The following RASL10B variants were observed in gnomAD, a reference collection of about 807,000 sequenced individuals.
RASL10B encodes the protein ras-like protein family member 10B.
In RASL10B, 10 loss-of-function variants were observed where a neutral mutation model predicts 20.7. The ratio of observed to expected loss-of-function variants is 0.48; its 90% CI spans 0.30 to 0.82. RASL10B has a LOEUF of 0.82. Among genes scored for constraint, RASL10B ranks in the 40% least tolerant of loss-of-function variants. The pLI is 0.07. For missense variants in RASL10B, 231 were observed against 295.4 expected, an observed-to-expected ratio of 0.78 and a Z score of 1.60; for synonymous variants, 110 against 123.3, an observed-to-expected ratio of 0.89 and a Z score of 0.72.
At chr17:35,739,514 A>G (rs1373131490) in intron 2 of RASL10B, among the ~76,000 whole-genome samples, 2 of 152,102 alleles carry the variant, frequency 1.3e-5, no homozygotes, top group Non-Finnish European at 2.9e-5. Context: ...CTTCACCTTG[A>G]GCTGTACCCC....
intron 2 of RASL10B, among the ~76,000 whole-genome samples, chr17:35,738,738 T>C (rs1171470199): frequency 6.6e-6 from 1 of 152,068 alleles, no homozygotes; most frequent in African/African-American, 2.4e-5. Context: ...CCTCTCTCTT[T>C]TAGGAACCCC....
At chr17:35,734,222 G>C (rs587600300) in intron 1 of RASL10B, among the ~76,000 whole-genome samples, 1 of 152,210 alleles carries the variant, frequency 6.6e-6, no homozygotes, top group East Asian at 1.9e-4. Flanking sequence ...GGAGGTGAAG[G>C]CTGCAGTGAG....
rs1555597892 is a variant in RASL10B, at chr17:35,741,194, G to A, written c.501G>A (p.Leu167=). 4.3e-6 allele frequency: 7 copies of A among 1,613,196 alleles called. No individual in the cohort carries two copies. The highest frequency in any genetic ancestry group is 5.9e-6 in the Non-Finnish European group (7 of 1,180,006). Residue 167 remains leucine (L), a synonymous_variant, in exon 4 of 4, where the codon CTG becomes CTA. Transcript: ENST00000603017. ...CGGCCAAGTACAACTGGCACATCCT[G>A]CTGCTCTTCAGCGAGCTGCTCAAGA... The part of the protein sequence containing the change: ...ECSAKYNWHI[L]LLFSELLKSV...
In RASL10B at chr17:35,731,708, C is replaced by T. The variant is rs1341084694; in HGVS notation, c.-318C>T. The T allele has an allele frequency of 6.6e-6, 1 of 152,008 alleles. No individual in the cohort carries two copies. Among genetic ancestry groups the T allele is most frequent in the Non-Finnish European group, 1.5e-5 (1 of 67,912 alleles). The allele number at this position is 152,008 out of a possible 1,614,324, so 9.4% of individuals were successfully genotyped here. On this transcript the variant is annotated 5_prime_UTR_variant, in exon 1 of 4. Coordinates refer to ENST00000603017, the MANE Select transcript of RASL10B (RefSeq NM_033315.4). ...CTGGAGGTTCCTACCCCCTCGGCGG[C>T]CCGCATCTGCCCCCGCGCGCCCGCC...
intron 1 of RASL10B, among the ~76,000 whole-genome samples, chr17:35,733,162 C>T (rs868955342): frequency 7.2e-5 from 11 of 152,168 alleles, no homozygotes; most frequent in Admixed American, 2.0e-4. Context: ...ATCTCTCTCA[C>T]GCACACTGCA....
At chr17:35,733,471 C>G (rs1355723858) in intron 1 of RASL10B, among the ~76,000 whole-genome samples, 1 of 152,236 alleles carries the variant, frequency 6.6e-6, no homozygotes, top group African/African-American at 2.4e-5. Flanking sequence ...CGCACATACC[C>G]CGTGGAGTGA....
At position 35,735,129 on chromosome 17, in the gene RASL10B, G is replaced by T; in HGVS notation, c.-56G>T. 2.6e-6 allele frequency: 4 copies of T among 1,557,330 alleles called. No individual in the cohort carries two copies. The highest frequency in any genetic ancestry group is 3.5e-6 in the Non-Finnish European group (4 of 1,145,096). On this transcript the variant is annotated 5_prime_UTR_variant, in exon 2 of 4. Coordinates refer to ENST00000603017, the MANE Select transcript of RASL10B (RefSeq NM_033315.4). The surrounding 1 kb of genome is among the most constrained non-coding windows in gnomAD (Gnocchi z 6.7). ...GAGCCCCCAGCCCCTGGAATATGCA[G>T]CCCGGGGGAGCCCCAGACAGCGGCA...
At chr17:35,736,755 T>G (rs2085595501) in intron 2 of RASL10B, 1 of 151,296 alleles carries the variant, frequency 6.6e-6, no homozygotes, top group Non-Finnish European at 1.5e-5. Context: ...TTTTTAAAAT[T>G]TATTTATTTT....
At position 35,737,373 on chromosome 17, in the gene RASL10B, C is replaced by T. The variant is rs782818925; in HGVS notation, c.216+1973C>T. Among the ~76,000 whole-genome samples, 3 of 152,190 alleles carry T rather than the reference C, an allele frequency of 2.0e-5. 1 individual carries two copies. Among genetic ancestry groups the T allele is most frequent in the South Asian group, 4.2e-4 (2 of 4,816 alleles). The stretch of plus-strand genomic sequence containing the variant: ...TTTTTCCAGGCCATTATCTAGAGGA[C>T]GTCCTCATTCTTTTTTCATGGCCAC... On this transcript the variant is annotated intron_variant, in intron 2 of 3. Transcript: ENST00000603017.
chr17:35,732,756 C>T (rs1555596535), intron 1 of RASL10B, among the ~76,000 whole-genome samples: 1 of 152,136 alleles, frequency 6.6e-6, no homozygotes. Flanking sequence ...TCTGAGCTGC[C>T]ACACCCAGAG....
rs587769520 is a variant in RASL10B at position 35,741,062 on chromosome 17, C to G, written c.369C>G (p.Ile123Met). 1.2e-6 allele frequency: 2 copies of G among 1,607,994 alleles called. No homozygotes were observed. The highest frequency in any genetic ancestry group is 4.5e-5 in the East Asian group (2 of 44,668). The change falls in exon 4 of 4, where the codon ATC becomes ATG. Residue 123 changes from isoleucine to methionine, a missense_variant. Transcript: ENST00000603017. Reference protein sequence around the residue: ...TRVIGTSETPIIIVGNKRDLQ... With the variant: ...TRVIGTSETPMIIVGNKRDLQ... ...TGATCGGAACCTCAGAGACGCCCAT[C>G]ATCATCGTGGGCAACAAGCGGGACC...
intron 2 of RASL10B, among the ~76,000 whole-genome samples, chr17:35,739,939 C>T (rs2085618915): frequency 6.6e-6 from 1 of 152,140 alleles, no homozygotes; most frequent in African/African-American, 2.4e-5. Context: ...TGTTAGAACA[C>T]AGGAGATGAA....
At position 35,735,426 on chromosome 17, in the gene RASL10B, T is replaced by C; in HGVS notation, c.216+26T>C. 1 of 1,608,186 alleles carries C rather than the reference T, an allele frequency of 6.2e-7. No homozygotes were observed. Among genetic ancestry groups the C allele is most frequent in the Non-Finnish European group, 8.5e-7 (1 of 1,175,170 alleles). On this transcript the variant is annotated intron_variant, in intron 2 of 3. Coordinates refer to ENST00000603017, the MANE Select transcript of RASL10B (RefSeq NM_033315.4). This position sits in a 1 kb window ranked among gnomAD's most constrained non-coding sequence, Gnocchi z 6.7. ...GTAGGAGGACCCTGGGGGGCATGGGTTAGTGGGGAAACGGATGGGTAGGGG... is the reference window on the plus strand; with the variant it reads ...GTAGGAGGACCCTGGGGGGCATGGGCTAGTGGGGAAACGGATGGGTAGGGG...
intron 1 of RASL10B, among the ~76,000 whole-genome samples, chr17:35,734,458 C>T (rs1257285918): frequency 6.6e-6 from 1 of 152,070 alleles, no homozygotes; most frequent in Non-Finnish European, 1.5e-5. Flanking sequence ...AGTGTTGCAC[C>T]CCAGAGGCGA....
intron 1 of RASL10B, among the ~76,000 whole-genome samples, chr17:35,734,349 A>G (rs1225248024): frequency 6.6e-6 from 1 of 152,162 alleles, no homozygotes; most frequent in African/African-American, 2.4e-5. Flanking sequence ...ACTCCTTCTA[A>G]GCTTCTCTCT....
chr17:35,733,417 C>T (rs587634345), intron 1 of RASL10B, among the ~76,000 whole-genome samples: 2 of 152,336 alleles, frequency 1.3e-5, no homozygotes, highest in South Asian at 2.1e-4. Flanking sequence ...CAAGCCCTGG[C>T]GGTTCTCATT....
In RASL10B at chr17:35,735,115, C is replaced by T; in HGVS notation, c.-70C>T. 2.4e-5 allele frequency: 36 copies of T among 1,504,738 alleles called. No homozygotes were observed. Among genetic ancestry groups the T allele is most frequent in the Non-Finnish European group, 3.2e-5 (35 of 1,101,332 alleles). The allele number at this position is 1,504,738 out of a possible 1,614,324, so 93.2% of individuals were successfully genotyped here. A position where few individuals can be genotyped will look rare whatever the true frequency, so the allele number is the denominator to read the frequency against. Reference sequence around the variant, plus strand: ...TCCTGACGGTGGCTGAGCCCCCAGCCCCTGGAATATGCAGCCCGGGGGAGC... The same window carrying T: ...TCCTGACGGTGGCTGAGCCCCCAGCTCCTGGAATATGCAGCCCGGGGGAGC... On this transcript the variant is annotated 5_prime_UTR_variant, in exon 2 of 4. Coordinates refer to ENST00000603017, the MANE Select transcript of RASL10B (RefSeq NM_033315.4). The surrounding 1 kb of genome is among the most constrained non-coding windows in gnomAD (Gnocchi z 6.7).
chr17:35,733,419 G>A (rs1555596633), intron 1 of RASL10B, among the ~76,000 whole-genome samples: 10 of 152,250 alleles, frequency 6.6e-5, no homozygotes. Context: ...AGCCCTGGCG[G>A]TTCTCATTCC....
At chr17:35,739,545 C>T (rs2085615396) in intron 2 of RASL10B, among the ~76,000 whole-genome samples, 1 of 152,178 alleles carries the variant, frequency 6.6e-6, no homozygotes, top group Non-Finnish European at 1.5e-5. Flanking sequence ...GAGAAGTTGC[C>T]ACAAACATTC....
Sources: allele counts gnomAD v4.1 joint callset (sites outside exome capture counted in the v4.1 genomes callset), GRCh38; gene constraint gnomAD v4.1.1; non-coding constraint Gnocchi (gnomAD v3.1); transcripts MANE v1.5; gene names NCBI Gene and HGNC (gene_info 2026-07-23, HGNC 2026-07-21).